Variants in MTARC2 observed in about 807,000 individuals in gnomAD.
The protein encoded by MTARC2 is mitochondrial amidoxime reducing component 2, also known as MOCO sulphurase C-terminal domain containing 2.
A neutral mutation model predicts 35.6 loss-of-function variants in MTARC2; 27 were observed. That is an observed-to-expected ratio of 0.76 (90% CI 0.56 to 1.04). The LOEUF (loss-of-function observed/expected upper bound fraction) is 1.04. Ranked by LOEUF, MTARC2 falls within the 50% of genes least tolerant of loss-of-function variation. MTARC2 has a pLI of 0.00. For synonymous variants in MTARC2, 158 were observed against 167.1 expected, an observed-to-expected ratio of 0.95 and a Z score of 0.42; for missense variants, 412 against 432.5, an observed-to-expected ratio of 0.95 and a Z score of 0.42.
chr1:220,782,836 G>A (rs1672117651), intron 7 of MTARC2, among the ~76,000 whole-genome samples: 1 of 152,158 alleles, frequency 6.6e-6, no homozygotes, highest in South Asian at 2.1e-4. Context: ...TTAAGTCTCA[G>A]TACCCTTATC....
chr1:220,751,295 T>A (rs146236289), intron 1 of MTARC2, among the ~76,000 whole-genome samples: 1 of 152,192 alleles, frequency 6.6e-6, no homozygotes, highest in South Asian at 2.1e-4. Flanking sequence ...ACCCTAAGCA[T>A]TGAGTGTTTA....
At position 220,784,197 on chromosome 1, in the gene MTARC2, T is replaced by G. The variant is rs72473912; in HGVS notation, c.*310T>G. ...TTATCATGGCTATTACACTTTTACTTCCTGACTTTAATATTGATGAATAAA... is the reference window on the plus strand; with the variant it reads ...TTATCATGGCTATTACACTTTTACTGCCTGACTTTAATATTGATGAATAAA... On this transcript the variant is annotated 3_prime_UTR_variant, in exon 8 of 8. Transcript: ENST00000366913. 2.8e-3 allele frequency: 1,197 copies of G among 423,508 alleles called. 15 individuals are homozygous for G. The highest frequency in any genetic ancestry group is 0.021 in the African/African-American group (1,017 of 49,516). 26.2% of individuals were successfully genotyped at this position (423,508 alleles called of 1,614,324 possible).
chr1:220,762,698 C>T (rs534309769), intron 3 of MTARC2, among the ~76,000 whole-genome samples: 79 of 152,290 alleles, frequency 5.2e-4, no homozygotes, highest in African/African-American at 1.6e-3. Flanking sequence ...GGCCCAGAGC[C>T]GGCCCTGGCT....
chr1:220,748,856 C>CG (rs573517065), intron 1 of MTARC2, 53 bp downstream of exon 1: 82,256 of 1,490,192 alleles, frequency 0.055, 8,680 homozygotes, highest in African/African-American at 0.44. Flanking sequence ...GGATGAGGAG[C>CG]GGGGGGGCAG....
intron 4 of MTARC2, among the ~76,000 whole-genome samples, chr1:220,776,891 C>T (rs1671932595): frequency 6.6e-6 from 1 of 152,174 alleles, no homozygotes; most frequent in Admixed American, 6.5e-5. Flanking sequence ...CCGCAGCGCC[C>T]TCGTGTGGTA....
At position 220,784,795 on chromosome 1, in the gene MTARC2, G is replaced by A. The variant is rs1672169231; in HGVS notation, c.*908G>A. ...TATGGTTTCTTTGTAAATAATAAAT[G>A]TGAATCTCAATCCTGCTTTATCTTT... On this transcript the variant is annotated 3_prime_UTR_variant, in exon 8 of 8. Transcript: ENST00000366913. 1 of 152,156 alleles carries A rather than the reference G, an allele frequency of 6.6e-6. No individual in the cohort carries two copies. Among genetic ancestry groups the A allele is most frequent in the South Asian group, 2.1e-4 (1 of 4,830 alleles). The allele number at this position is 152,156 out of a possible 1,614,324, so 9.4% of individuals were successfully genotyped here. A position where few individuals can be genotyped will look rare whatever the true frequency, so the allele number is the denominator to read the frequency against.
At chr1:220,775,410 G>A (rs1671873717) in intron 4 of MTARC2, among the ~76,000 whole-genome samples, 1 of 152,214 alleles carries the variant, frequency 6.6e-6, no homozygotes, top group Non-Finnish European at 1.5e-5. Context: ...CCTGGATTTC[G>A]GCAGACTGCG....
Position 220,748,798 on chromosome 1 carries a change from G to C in MTARC2, c.267G>C (p.Arg89=), listed in dbSNP as rs1010634510. Residue 89 remains arginine, a synonymous_variant, in exon 1 of 8, where the codon CGG becomes CGC. Coordinates refer to ENST00000366913, the MANE Select transcript of MTARC2 (RefSeq NM_017898.5). The part of the protein sequence containing the change: ...TAMGLRSGNL[R]DRFWLVIKED... Reference sequence around the variant, plus strand: ...TGGGGCTGCGCAGCGGCAACCTGCGGGACAGGTACAGCACAGCGCGGGCGC... The same window carrying C: ...TGGGGCTGCGCAGCGGCAACCTGCGCGACAGGTACAGCACAGCGCGGGCGC... 6.3e-7 allele frequency: 1 copy of C among 1,591,828 alleles called. No individual in the cohort carries two copies. The highest frequency in any genetic ancestry group is 1.4e-5 in the African/African-American group (1 of 73,868).
chr1:220,774,048 AATAG>A (rs980549248), intron 4 of MTARC2, among the ~76,000 whole-genome samples: 1 of 151,772 alleles, frequency 6.6e-6, no homozygotes, highest in African/African-American at 2.4e-5. Context: ...GTTCAGTGTT[AATAG>A]ATATAGACTC....
At chr1:220,762,870 G>C in intron 3 of MTARC2, 40 bp from the exon 4 acceptor site, 1 of 1,611,224 alleles carries the variant, frequency 6.2e-7, no homozygotes, top group South Asian at 1.1e-5. Flanking sequence ...AGGCCATTTT[G>C]TGGAGTGGTG....
chr1:220,780,642 G>C (rs1672046578), intron 6 of MTARC2, among the ~76,000 whole-genome samples: 2 of 151,888 alleles, frequency 1.3e-5, no homozygotes, highest in African/African-American at 4.8e-5. Context: ...GCAGAGACAG[G>C]GTTTCACCAT....
intron 4 of MTARC2, among the ~76,000 whole-genome samples, chr1:220,776,627 A>T (rs374236324): frequency 2.0e-5 from 3 of 152,256 alleles, no homozygotes; most frequent in Non-Finnish European, 4.4e-5. Flanking sequence ...GGTGTTGCGG[A>T]CGATTCTTAC....
At chr1:220,775,078 G>T (rs147859581) in intron 4 of MTARC2, among the ~76,000 whole-genome samples, 3,587 of 152,008 alleles carry the variant, frequency 0.024, 108 homozygotes, top group African/African-American at 0.064. Flanking sequence ...TTTTTGCTTG[G>T]CAAATGCCTA....
chr1:220,760,199 G>A (rs1449464265), intron 2 of MTARC2, among the ~76,000 whole-genome samples: 1 of 152,156 alleles, frequency 6.6e-6, no homozygotes, highest in Non-Finnish European at 1.5e-5. Flanking sequence ...GCCCTTGGAG[G>A]GAAAAACATA....
At chr1:220,781,962 C>T (rs1250404671) in intron 7 of MTARC2, 30 bp downstream of exon 7, 1 of 1,565,196 alleles carries the variant, frequency 6.4e-7, no homozygotes, top group Non-Finnish European at 8.7e-7. Context: ...TCTGAATACG[C>T]TGTCTTGAAG....
rs1415999324 is a variant in MTARC2, at chr1:220,755,054, C to T, written c.380C>T (p.Ala127Val). 1 of 1,613,230 alleles carries T rather than the reference C, an allele frequency of 6.2e-7. No individual in the cohort carries two copies. ...IYENNCLIFRAPDMDQLVLPS... is the reference protein window; with the variant it reads ...IYENNCLIFRVPDMDQLVLPS... ...GAGAATAACTGCCTGATCTTCAGGG[C>T]TCCAGACATGGACCAGCTGGTTTTG... Residue 127 changes from alanine to valine, a missense_variant, in exon 2 of 8, where the codon GCT becomes GTT. Physicochemically the swap from Ala to Val is moderately conservative, Grantham distance 64 (BLOSUM62 0). Transcript: ENST00000366913.
At chr1:220,753,305 C>A (rs1671181618) in intron 1 of MTARC2, among the ~76,000 whole-genome samples, 2 of 152,128 alleles carry the variant, frequency 1.3e-5, no homozygotes, top group South Asian at 4.1e-4. Context: ...TACCCAGTGT[C>A]ACCAGCTTTT....
rs890046775 is a variant in MTARC2, at chr1:220,748,535, G to T, written c.4G>T (p.Gly2Cys). Residue 2 changes from glycine to cysteine, a missense_variant, in exon 1 of 8, where the codon GGC becomes TGC. Coordinates refer to ENST00000366913, the MANE Select transcript of MTARC2 (RefSeq NM_017898.5). MGASSSSALARL... is the reference protein window; with the variant it reads MCASSSSALARL... ...CCGCGCCCGCCCTCGCTCTGCCATG[G>T]GCGCTTCCAGCTCCTCCGCGCTGGC... 1 of 1,419,154 alleles carries T rather than the reference G, an allele frequency of 7.0e-7. No individual in the cohort carries two copies. The highest frequency in any genetic ancestry group is 9.1e-7 in the Non-Finnish European group (1 of 1,096,392). 87.9% of individuals were successfully genotyped at this position (1,419,154 alleles called of 1,614,324 possible).
chr1:220,781,566 A>G (rs1212017574), intron 6 of MTARC2, among the ~76,000 whole-genome samples: 1 of 152,254 alleles, frequency 6.6e-6, no homozygotes, highest in Non-Finnish European at 1.5e-5. Flanking sequence ...AACTGAAGCC[A>G]TGGAGAAATT....
Sources: allele counts gnomAD v4.1 joint callset (sites outside exome capture counted in the v4.1 genomes callset), GRCh38; gene constraint gnomAD v4.1.1; transcripts MANE v1.5; gene names NCBI Gene and HGNC (gene_info 2026-07-23, HGNC 2026-07-21).